KLHL1: variants seen among roughly 807,000 people sequenced by gnomAD.
The protein encoded by KLHL1 is kelch-like protein 1.
A neutral mutation model predicts 77.7 loss-of-function variants in KLHL1; 47 were observed. The observed-to-expected ratio is 0.60, with a 90% confidence interval of 0.48 to 0.77. KLHL1 has a LOEUF of 0.77. Among genes scored for constraint, KLHL1 ranks in the 30% least tolerant of loss-of-function variants. KLHL1 has a pLI of 0.00. For synonymous variants in KLHL1, 360 were observed against 325.2 expected (o/e 1.11, Z -1.15); for missense variants, 925 against 910.8 (o/e 1.02, Z -0.20).
intron 2 of KLHL1, among the ~76,000 whole-genome samples, chr13:69,973,785 A>G (rs1884464475): frequency 6.6e-6 from 1 of 152,030 alleles, no homozygotes; most frequent in Non-Finnish European, 1.5e-5. Context: ...CCTAAGATGT[A>G]CATTACTTGT....
At chr13:69,913,632 C>T (rs567267672) in intron 4 of KLHL1, among the ~76,000 whole-genome samples, 2 of 152,272 alleles carry the variant, frequency 1.3e-5, no homozygotes, top group East Asian at 3.9e-4. Flanking sequence ...TGCAAAAGTT[C>T]ATATGTGCAA....
intron 1 of KLHL1, among the ~76,000 whole-genome samples, chr13:70,071,619 A>G (rs1212250360): frequency 6.6e-6 from 1 of 152,036 alleles, no homozygotes; most frequent in Non-Finnish European, 1.5e-5. Context: ...AAAATCAGAC[A>G]TCATGAAAAG....
At chr13:69,915,987 A>G (rs1253467005) in intron 4 of KLHL1, among the ~76,000 whole-genome samples, 2 of 152,238 alleles carry the variant, frequency 1.3e-5, no homozygotes, top group Non-Finnish European at 2.9e-5. Context: ...ACACATGAAA[A>G]AATGCTCATC....
At chr13:69,814,299 A>C (rs1342116033) in intron 6 of KLHL1, among the ~76,000 whole-genome samples, 4 of 148,736 alleles carry the variant, frequency 2.7e-5, no homozygotes, top group African/African-American at 7.3e-5. Flanking sequence ...ATCATAGAAC[A>C]ATACCTATAA....
chr13:69,998,166 A>G (rs1885203579), intron 1 of KLHL1, among the ~76,000 whole-genome samples: 1 of 152,230 alleles, frequency 6.6e-6, no homozygotes, highest in East Asian at 1.9e-4. Flanking sequence ...CTGGTCTACC[A>G]CTTTTGCCTC....
chr13:69,723,377 T>C (rs192664665), intron 8 of KLHL1, among the ~76,000 whole-genome samples: 9 of 152,296 alleles, frequency 5.9e-5, no homozygotes, highest in Admixed American at 2.6e-4. Context: ...AATATACTAA[T>C]TACCTAATTT....
At chr13:69,919,690 A>C (rs988007379) in intron 4 of KLHL1, among the ~76,000 whole-genome samples, 1 of 152,138 alleles carries the variant, frequency 6.6e-6, no homozygotes, top group African/African-American at 2.4e-5. Context: ...AGGTCACAAC[A>C]GCCTGAAGCA....
chr13:69,893,256 C>A, intron 4 of KLHL1, among the ~76,000 whole-genome samples: 1 of 139,108 alleles, frequency 7.2e-6, no homozygotes. Flanking sequence ...GAGAGGGAGT[C>A]TCGCTCTGTC....
intron 4 of KLHL1, among the ~76,000 whole-genome samples, chr13:69,898,790 A>C (rs1432934158): frequency 6.6e-6 from 1 of 152,168 alleles, no homozygotes; most frequent in Non-Finnish European, 1.5e-5. Context: ...ACTATCCTTG[A>C]GACATTTTTT....
At chr13:69,977,100 GAA>G (rs1884566375) in intron 1 of KLHL1, among the ~76,000 whole-genome samples, 1 of 151,940 alleles carries the variant, frequency 6.6e-6, no homozygotes, top group Admixed American at 6.6e-5. Context: ...TTATATTTAG[GAA>G]AAGACATTCT....
intron 1 of KLHL1, among the ~76,000 whole-genome samples, chr13:70,100,420 A>AT (rs1309319241): frequency 3.3e-5 from 5 of 152,054 alleles, no homozygotes; most frequent in South Asian, 2.1e-4. Flanking sequence ...GATTTCATCA[A>AT]TTTTTTTATA....
chr13:69,955,288 T>C (rs1331892661), intron 3 of KLHL1, among the ~76,000 whole-genome samples: 1 of 151,414 alleles, frequency 6.6e-6, no homozygotes, highest in African/African-American at 2.4e-5. Context: ...TGTGTATATT[T>C]ATTTCATTCA....
Position 69,973,990 on chromosome 13 carries a change from C to T in KLHL1, c.680+1630G>A, listed in dbSNP as rs572500951. On this transcript the variant is annotated intron_variant, in intron 2 of 10. Coordinates refer to ENST00000377844, the MANE Select transcript of KLHL1 (RefSeq NM_020866.3). ...TCAAATATTTTCTTTGTCTTGTTTC[C>T]ACAAGCGTCTTATGAAAACTTTCCC... Among the ~76,000 whole-genome samples, 269 of 152,002 alleles carry T rather than the reference C, an allele frequency of 1.8e-3. 2 individuals are homozygous for T. Among genetic ancestry groups the T allele is most frequent in the African/African-American group, 6.3e-3 (262 of 41,524 alleles).
chr13:69,868,595 T>G (rs1263429263), intron 5 of KLHL1, among the ~76,000 whole-genome samples: 1 of 152,136 alleles, frequency 6.6e-6, no homozygotes, highest in Admixed American at 6.6e-5. Flanking sequence ...AACTTTCCCT[T>G]TAATGTATAA....
chr13:70,012,738 G>A (rs538779281), intron 1 of KLHL1, among the ~76,000 whole-genome samples: 20 of 151,842 alleles, frequency 1.3e-4, no homozygotes, highest in South Asian at 6.3e-4. Context: ...GTGAAACCCC[G>A]TCTCTACTAA....
chr13:69,991,950 T>C (rs549066515), intron 1 of KLHL1, among the ~76,000 whole-genome samples: 29 of 152,022 alleles, frequency 1.9e-4, no homozygotes, highest in Non-Finnish European at 3.5e-4. Context: ...ATTAAAGCTA[T>C]AGTTCTTGAA....
chr13:69,966,805 T>A (rs1291877611), intron 2 of KLHL1, among the ~76,000 whole-genome samples: 1 of 152,092 alleles, frequency 6.6e-6, no homozygotes, highest in Admixed American at 6.6e-5. Context: ...ATTATTCAAC[T>A]CTCTATGTCC....
chr13:69,992,523 TG>T (rs1432474808), intron 1 of KLHL1, among the ~76,000 whole-genome samples: 1 of 152,038 alleles, frequency 6.6e-6, no homozygotes, highest in Non-Finnish European at 1.5e-5. Flanking sequence ...GGATGGTTGA[TG>T]TTACTACAAT....
In KLHL1 at chr13:69,715,336, C is replaced by T. The variant is rs1449014067; in HGVS notation, c.2015+4033G>A. Among the ~76,000 whole-genome samples the T allele has an allele frequency of 1.6e-4, 24 of 151,972 alleles. 1 individual carries two copies. The highest frequency in any genetic ancestry group is 1.6e-3 in the Admixed American group (24 of 15,234). ...TATTCTTGTGACAGTGAGTGAGTTT[C>T]CATGAGATCTGGTGGTTTTATAACT... On this transcript the variant is annotated intron_variant, in intron 9 of 10. Transcript: ENST00000377844.
Sources: gnomAD v4.1 joint callset for allele counts (sites outside exome capture counted in the v4.1 genomes callset) on GRCh38, gnomAD v4.1.1 for gene constraint, MANE v1.5 for transcripts, NCBI Gene and HGNC (gene_info 2026-07-23, HGNC 2026-07-21) for gene names.